CCAR1: variants seen among roughly 807,000 people sequenced by gnomAD.
CCAR1 encodes cell division cycle and apoptosis regulator 1.
In CCAR1, 78 loss-of-function variants were observed where a neutral mutation model predicts 163.8. The ratio of observed to expected loss-of-function variants is 0.48; its 90% CI spans 0.40 to 0.57. CCAR1 has a LOEUF of 0.57. CCAR1 is among the 20% of genes least tolerant of loss of function. The pLI is 0.00. For missense variants in CCAR1, 1,019 were observed against 1,365.2 expected (o/e 0.75, Z 4.00); for synonymous variants, 443 against 460.7 (o/e 0.96, Z 0.49).
chr10:68,732,384 C>CT (rs2056052390), intron 2 of CCAR1, among the ~76,000 whole-genome samples: 1 of 152,032 alleles, frequency 6.6e-6, no homozygotes, highest in Non-Finnish European at 1.5e-5. Context: ...GAGTCTTGCT[C>CT]TGTCACCCAG....
chr10:68,759,656 C>T (rs2056443696), intron 15 of CCAR1, among the ~76,000 whole-genome samples: 1 of 151,532 alleles, frequency 6.6e-6, no homozygotes, highest in Non-Finnish European at 1.5e-5. Flanking sequence ...CTTGGAAGGT[C>T]AATGCTGCCG....
chr10:68,784,343 G>A (rs993903470), intron 19 of CCAR1, among the ~76,000 whole-genome samples: 9 of 151,944 alleles, frequency 5.9e-5, no homozygotes, highest in Non-Finnish European at 1.2e-4. Flanking sequence ...AGCCTCCTGA[G>A]TATCTGGGAC....
chr10:68,764,381 C>CAAA (rs528625575), intron 16 of CCAR1, among the ~76,000 whole-genome samples: 4 of 122,636 alleles, frequency 3.3e-5, no homozygotes, highest in African/African-American at 1.1e-4. Context: ...CCCATCTCTA[C>CAAA]AAAAAAAAAA....
Position 68,761,190 on chromosome 10 carries a change from G to C in CCAR1, c.2104G>C (p.Glu702Gln). ...TGATAGGAAATCTGAAGACGATAAAGAGGTATGTACTCAATCTATTATTAT... is the reference window on the plus strand; with the variant it reads ...TGATAGGAAATCTGAAGACGATAAACAGGTATGTACTCAATCTATTATTAT... ...DDDRKSEDDK[E>Q]EEERKRQEEI... The change falls in exon 16 of 25, where the codon GAG (glutamate) becomes CAG (glutamine). Residue 702 changes from glutamate (E) to glutamine (Q), a missense_variant and splice_region_variant. Physicochemically the swap from Glu to Gln is conservative, Grantham distance 29. Around this residue, in one of 4 missense-constraint regions of CCAR1, gnomAD observed 644 missense variants for 904.4 expected, o/e 0.71. Coordinates refer to ENST00000265872, the MANE Select transcript of CCAR1 (RefSeq NM_018237.4). The C allele has an allele frequency of 2.5e-6, 4 of 1,589,686 alleles. No homozygotes were observed. The highest frequency in any genetic ancestry group is 1.4e-5 in the African/African-American group (1 of 73,706).
intron 2 of CCAR1, among the ~76,000 whole-genome samples, chr10:68,722,809 C>T (rs1482706627): frequency 6.6e-6 from 1 of 152,098 alleles, no homozygotes; most frequent in Non-Finnish European, 1.5e-5. Flanking sequence ...ATAATCCTAG[C>T]TACTCAGGAG....
chr10:68,764,273 C>G (rs1394324377), intron 16 of CCAR1, among the ~76,000 whole-genome samples: 1 of 151,974 alleles, frequency 6.6e-6, no homozygotes, highest in African/African-American at 2.4e-5. Flanking sequence ...GCTCCACCAC[C>G]CTGCCAGCCT....
chr10:68,722,921 C>CA (rs1298954635), intron 2 of CCAR1, among the ~76,000 whole-genome samples: 2 of 151,350 alleles, frequency 1.3e-5, no homozygotes, highest in South Asian at 2.1e-4. Flanking sequence ...TACTCCGTCT[C>CA]AAAAAAACAA....
intron 2 of CCAR1, among the ~76,000 whole-genome samples, chr10:68,732,787 A>C (rs919354268): frequency 9.9e-5 from 15 of 152,156 alleles, no homozygotes; most frequent in Non-Finnish European, 4.4e-5. Flanking sequence ...CTATCCAGGC[A>C]TGGTGGCATG....
chr10:68,764,865 C>T (rs1245813700), intron 16 of CCAR1, among the ~76,000 whole-genome samples: 1 of 152,158 alleles, frequency 6.6e-6, no homozygotes, highest in African/African-American at 2.4e-5. Context: ...GTCTTTCTGG[C>T]CCACTTTCAT....
intron 6 of CCAR1, among the ~76,000 whole-genome samples, chr10:68,746,321 G>A (rs1293420748): frequency 6.6e-6 from 1 of 152,106 alleles, no homozygotes; most frequent in South Asian, 2.1e-4. Flanking sequence ...CTATCGCCCA[G>A]GCTGGAGTGC....
At position 68,771,192 on chromosome 10, in the gene CCAR1, A is replaced by G. The variant is rs184530306; in HGVS notation, c.2299-14A>G. The G allele has an allele frequency of 1.7e-5, 26 of 1,570,908 alleles. No homozygotes were observed. In the East Asian group the frequency reaches 2.7e-4, roughly 16 times the overall value. ...TTGAAATTTGGCTAGGTTCATGTTG[A>G]TATCTTTTTATAGGTTTCATTGTTT... On this transcript the variant is annotated splice_polypyrimidine_tract_variant and intron_variant, in intron 17 of 24. Transcript: ENST00000265872.
chr10:68,737,049 G>GTAAA lies in CCAR1; in HGVS notation c.246+3_246+6dup. The GTAAA allele has an allele frequency of 6.2e-7, 1 of 1,607,650 alleles. No homozygotes were observed. Among genetic ancestry groups the GTAAA allele is most frequent in the Non-Finnish European group, 8.5e-7 (1 of 1,175,094 alleles). ...AGCTGCAGCAGCTGCATTACAACAG[G>GTAAA]TAAATCTTTAATATGTCTTATTATT... On this transcript the variant is annotated splice_donor_variant, in intron 3 of 24. Coordinates refer to ENST00000265872, the MANE Select transcript of CCAR1 (RefSeq NM_018237.4). LOFTEE classifies it high-confidence loss of function.
At position 68,788,215 on chromosome 10, in the gene CCAR1, T is replaced by C; in HGVS notation, c.3074T>C (p.Ile1025Thr). Residue 1025 changes from isoleucine to threonine, a missense_variant, in exon 23 of 25, where the codon ATT (isoleucine) becomes ACT (threonine). Around this residue, in one of 4 missense-constraint regions of CCAR1, gnomAD observed 358 missense variants for 406.4 expected, o/e 0.88. Coordinates refer to ENST00000265872, the MANE Select transcript of CCAR1 (RefSeq NM_018237.4). ...GATGTGGAAGAAAATGTTGGCCTCA[T>C]TGTGTACAATGGTGCAATGGTAGAT... is the stretch of plus-strand genomic sequence containing the variant. ...SKDVEENVGL[I>T]VYNGAMVDVG... 6.2e-7 allele frequency: 1 copy of C among 1,600,604 alleles called. No homozygotes were observed. The highest frequency in any genetic ancestry group is 8.5e-7 in the Non-Finnish European group (1 of 1,175,400).
Position 68,771,239 on chromosome 10 carries a change from C to G in CCAR1, c.2332C>G (p.Leu778Val). Residue 778 changes from leucine to valine, a missense_variant, in exon 18 of 25, where the codon CTT becomes GTT. This residue lies in a region of CCAR1 where 17 missense variants were observed against 36.6 expected (regional missense o/e 0.47). Transcript: ENST00000265872. ...SLFAELFNEM[L>V]QRDFGVRIYK... ...GTTTGCGGAACTTTTCAACGAAATG[C>G]TTCAAAGAGATTTTGGTGTCCGTAT... is the stretch of plus-strand genomic sequence containing the variant. 6.3e-7 allele frequency: 1 copy of G among 1,593,992 alleles called. No homozygotes were observed. Among genetic ancestry groups the G allele is most frequent in the South Asian group, 1.2e-5 (1 of 84,900 alleles).
chr10:68,744,740 G>A (rs1331273267), intron 6 of CCAR1, among the ~76,000 whole-genome samples: 1 of 151,968 alleles, frequency 6.6e-6, no homozygotes, highest in African/African-American at 2.4e-5. Context: ...AGGGAAATAT[G>A]GGGTGGTAAA....
rs1360506688 is a variant in CCAR1 at position 68,754,750 on chromosome 10, T to C, written c.1381T>C (p.Tyr461His). 1 of 1,610,920 alleles carries C rather than the reference T, an allele frequency of 6.2e-7. No homozygotes were observed. Among genetic ancestry groups the C allele is most frequent in the Non-Finnish European group, 8.5e-7 (1 of 1,177,174 alleles). Residue 461 changes from tyrosine to histidine, a missense_variant, in exon 12 of 25, where the codon TAT (tyrosine) becomes CAT (histidine). This residue lies in a region of CCAR1 where 644 missense variants were observed against 904.4 expected (regional missense o/e 0.71). Transcript: ENST00000265872. Reference protein sequence around the residue: ...LMASPSMEDLYHKSCALAEDP... With the variant: ...LMASPSMEDLHHKSCALAEDP... ...GGCTAGCCCTAGTATGGAAGATTTATATCATAAGTCATGTGCTCTTGCTGA... is the reference window on the plus strand; with the variant it reads ...GGCTAGCCCTAGTATGGAAGATTTACATCATAAGTCATGTGCTCTTGCTGA...
At chr10:68,739,463 A>G (rs1457325167) in intron 4 of CCAR1, among the ~76,000 whole-genome samples, 1 of 151,880 alleles carries the variant, frequency 6.6e-6, no homozygotes, top group Non-Finnish European at 1.5e-5. Context: ...TCTTTTTTTT[A>G]TGGCTGCAGA....
At chr10:68,728,408 A>C (rs1322036927) in intron 2 of CCAR1, among the ~76,000 whole-genome samples, 2 of 150,844 alleles carry the variant, frequency 1.3e-5, no homozygotes, top group Non-Finnish European at 2.9e-5. Flanking sequence ...ACAGGGTCTC[A>C]CTTTGTTGCC....
At chr10:68,765,319 C>T (rs2056523221) in intron 16 of CCAR1, among the ~76,000 whole-genome samples, 1 of 152,224 alleles carries the variant, frequency 6.6e-6, no homozygotes, top group Non-Finnish European at 1.5e-5. Flanking sequence ...TGCCTAGTTT[C>T]AGCTGCTGCA....
Sources: allele counts gnomAD v4.1 joint callset (sites outside exome capture counted in the v4.1 genomes callset), GRCh38; gene constraint gnomAD v4.1.1; regional missense constraint gnomAD v4.1.1; transcripts MANE v1.5; gene names NCBI Gene and HGNC (gene_info 2026-07-23, HGNC 2026-07-21).